Variants in PGBD5 observed in about 807,000 individuals in gnomAD.
PGBD5 encodes the protein piggyBac transposable element-derived protein 5.
In PGBD5, 14 loss-of-function variants were observed where a neutral mutation model predicts 47.9. The observed-to-expected ratio is 0.29, with a 90% CI of 0.19 to 0.46. The LOEUF (loss-of-function observed/expected upper bound fraction) is 0.46. PGBD5 is among the 20% of genes least tolerant of loss of function. PGBD5 has a pLI of 1.00. For missense variants in PGBD5, 635 were observed against 716.0 expected (o/e 0.89, Z 1.29); for synonymous variants, 316 against 306.3 (o/e 1.03, Z -0.33).
intron 1 of PGBD5, among the ~76,000 whole-genome samples, chr1:230,409,562 T>C (rs1297107368): frequency 6.6e-6 from 1 of 152,172 alleles, no homozygotes; most frequent in Non-Finnish European, 1.5e-5. Context: ...TGGATGAAGC[T>C]TGAAAACATT....
chr1:230,425,977 C>T lies in PGBD5; in HGVS notation c.-49G>A, dbSNP rs1418578671. On this transcript the variant is annotated 5_prime_UTR_variant, in exon 1 of 7. Transcript: ENST00000391860. The surrounding 1 kb of genome is among the most constrained non-coding windows in gnomAD (Gnocchi z 4.7). ...CCGCCCCCACAGTGCCTCCCAGCCG[C>T]ACACGCCGGGCCCTGGGCCCGCGCC... is the stretch of plus-strand genomic sequence containing the variant. The T allele has an allele frequency of 1.2e-5, 11 of 892,544 alleles. No homozygotes were observed. Among genetic ancestry groups the T allele is most frequent in the Non-Finnish European group, 1.5e-5 (11 of 749,346 alleles). The allele number at this position is 892,544 out of a possible 1,614,324, so 55.3% of individuals were successfully genotyped here.
At chr1:230,355,144 G>A (rs1201258513) in intron 2 of PGBD5, among the ~76,000 whole-genome samples, 1 of 152,108 alleles carries the variant, frequency 6.6e-6, no homozygotes, top group African/African-American at 2.4e-5. Flanking sequence ...GCCCATCTGA[G>A]CCATGTGCTA....
intron 3 of PGBD5, among the ~76,000 whole-genome samples, chr1:230,345,801 T>C (rs189239939): frequency 1.3e-5 from 2 of 152,326 alleles, no homozygotes; most frequent in African/African-American, 4.8e-5. Flanking sequence ...TTTGTGTTAA[T>C]TTTGCCCAGC....
intron 1 of PGBD5, among the ~76,000 whole-genome samples, chr1:230,365,013 C>G (rs955801101): frequency 1.6e-5 from 2 of 128,912 alleles, no homozygotes; most frequent in Non-Finnish European, 3.2e-5. Context: ...GAAAGAGACT[C>G]CATCTCAAAA....
At chr1:230,361,412 G>A (rs1667740207) in intron 1 of PGBD5, among the ~76,000 whole-genome samples, 1 of 152,106 alleles carries the variant, frequency 6.6e-6, no homozygotes, top group South Asian at 2.1e-4. Flanking sequence ...GCATGCTGAT[G>A]GTGCATTGCC....
At chr1:230,377,586 T>C (rs759789790) in intron 1 of PGBD5, 11 of 1,592,034 alleles carry the variant, frequency 6.9e-6, no homozygotes, top group South Asian at 4.6e-5. Flanking sequence ...CGAGAGTACT[T>C]TGCACGAAGA....
chr1:230,360,834 C>T (rs1667730769), intron 1 of PGBD5, among the ~76,000 whole-genome samples: 1 of 152,224 alleles, frequency 6.6e-6, no homozygotes, highest in Admixed American at 6.5e-5. Context: ...ATGGCCCTGG[C>T]ATGGGCAGCA....
chr1:230,318,905 A>G lies in PGBD5; in HGVS notation c.*4520T>C, dbSNP rs1024395165. On this transcript the variant is annotated 3_prime_UTR_variant, in exon 7 of 7. Transcript: ENST00000391860. Reference sequence around the variant, plus strand: ...TCAGCTTCAGTAGTTGTTAAGCTCCAAAACACCCATCTCCATCTAGGACAA... The same window carrying G: ...TCAGCTTCAGTAGTTGTTAAGCTCCGAAACACCCATCTCCATCTAGGACAA... 1 of 152,340 alleles carries G rather than the reference A, an allele frequency of 6.6e-6. No individual in the cohort carries two copies. Among genetic ancestry groups the G allele is most frequent in the African/African-American group, 2.4e-5 (1 of 41,450 alleles). 9.4% of individuals were successfully genotyped at this position (152,340 alleles called of 1,614,324 possible).
At chr1:230,407,301 T>G (rs201220683) in intron 1 of PGBD5, among the ~76,000 whole-genome samples, 2 of 152,240 alleles carry the variant, frequency 1.3e-5, no homozygotes. Context: ...AAAATGGCTG[T>G]TAAAATGATT....
chr1:230,424,133 C>G (rs1019349360), intron 1 of PGBD5, among the ~76,000 whole-genome samples: 1 of 152,114 alleles, frequency 6.6e-6, no homozygotes, highest in Non-Finnish European at 1.5e-5. Flanking sequence ...CTCAAATGTT[C>G]CAGGATCGAA....
chr1:230,368,125 T>C (rs760717748), intron 1 of PGBD5: 2 of 1,367,842 alleles, frequency 1.5e-6, no homozygotes, highest in Non-Finnish European at 2.0e-6. Flanking sequence ...ACCACACAGA[T>C]GGTGGTGGTG....
At chr1:230,366,864 A>C (rs1667842875) in intron 1 of PGBD5, among the ~76,000 whole-genome samples, 1 of 152,124 alleles carries the variant, frequency 6.6e-6, no homozygotes, top group Admixed American at 6.5e-5. Flanking sequence ...GGCTGTTACG[A>C]AACAGCCGCC....
At chr1:230,356,158 G>A (rs1011041353) in intron 2 of PGBD5, among the ~76,000 whole-genome samples, 15 of 152,172 alleles carry the variant, frequency 9.9e-5, no homozygotes, top group Non-Finnish European at 1.8e-4. Context: ...GAACTTCCTG[G>A]TTTGGGTTAG....
chr1:230,394,467 T>C (rs1412883182), intron 1 of PGBD5, among the ~76,000 whole-genome samples: 3 of 111,472 alleles, frequency 2.7e-5, no homozygotes, highest in Admixed American at 9.2e-5. Context: ...TCCCCCTAGT[T>C]GGCCAGGGTC....
At chr1:230,386,514 CTT>C (rs987059343) in intron 1 of PGBD5, among the ~76,000 whole-genome samples, 15 of 152,194 alleles carry the variant, frequency 9.9e-5, no homozygotes, top group East Asian at 1.9e-4. Context: ...AAATTTCACT[CTT>C]GTCAGTACTG....
At chr1:230,399,495 GTC>G (rs1472411796) in intron 1 of PGBD5, among the ~76,000 whole-genome samples, 1 of 152,144 alleles carries the variant, frequency 6.6e-6, no homozygotes, top group Admixed American at 6.5e-5. Flanking sequence ...CCTCCCATGG[GTC>G]TGGTTACCCA....
rs921423227 is a variant in PGBD5 at position 230,425,502 on chromosome 1, C to T, written c.331+96G>A. 4.3e-6 allele frequency: 4 copies of T among 940,100 alleles called. No homozygotes were observed. Among genetic ancestry groups the T allele is most frequent in the Non-Finnish European group, 1.4e-6 (1 of 729,666 alleles). 58.2% of individuals were successfully genotyped at this position (940,100 alleles called of 1,614,324 possible). A position where few individuals can be genotyped will look rare whatever the true frequency, so the allele number is the denominator to read the frequency against. On this transcript the variant is annotated intron_variant, in intron 1 of 6. Coordinates refer to ENST00000391860, the MANE Select transcript of PGBD5 (RefSeq NM_001258311.2). The surrounding 1 kb of genome is among the most constrained non-coding windows in gnomAD (Gnocchi z 4.7). Reference sequence around the variant, plus strand: ...CCGGAGAGACACCCACAAGCCAGCCCACGGAGAGTCTGGACTCGCCCGCCC... The same window carrying T: ...CCGGAGAGACACCCACAAGCCAGCCTACGGAGAGTCTGGACTCGCCCGCCC...
chr1:230,373,698 G>GT (rs1197961106), intron 1 of PGBD5, among the ~76,000 whole-genome samples: 2 of 152,066 alleles, frequency 1.3e-5, no homozygotes, highest in Admixed American at 6.5e-5. Flanking sequence ...TACATGTGAG[G>GT]TTTTTTCTTT....
At chr1:230,339,649 A>AG in intron 3 of PGBD5, among the ~76,000 whole-genome samples, 1 of 151,538 alleles carries the variant, frequency 6.6e-6, no homozygotes, top group Non-Finnish European at 1.5e-5. Context: ...TGTGGCATAT[A>AG]CACAAGATGA....
Sources: gnomAD v4.1 joint callset for allele counts (sites outside exome capture counted in the v4.1 genomes callset) on GRCh38, gnomAD v4.1.1 for gene constraint, Gnocchi (gnomAD v3.1) non-coding constraint, MANE v1.5 for transcripts, NCBI Gene and HGNC (gene_info 2026-07-23, HGNC 2026-07-21) for gene names.